TEX264: variants seen among roughly 807,000 people sequenced by gnomAD.
TEX264 encodes the protein testis expressed 264, ER-phagy receptor.
Under a neutral mutation model 23.4 loss-of-function variants are expected in TEX264, and 13 were observed. That is an observed-to-expected ratio of 0.56 (90% CI 0.36 to 0.88). The LOEUF is 0.88. Among genes scored for constraint, TEX264 ranks in the 40% least tolerant of loss-of-function variants. The pLI, the probability that TEX264 is intolerant of heterozygous loss-of-function variation, is 0.01. For synonymous variants in TEX264, 159 were observed against 170.0 expected (o/e 0.94, Z 0.50); for missense variants, 340 against 406.8 (o/e 0.84, Z 1.41).
At chr3:51,674,683 C>G in intron 2 of TEX264, 121 bp downstream of exon 2, 1 of 1,208,258 alleles carries the variant, frequency 8.3e-7, no homozygotes, top group Admixed American at 2.4e-5. Context: ...GCCCTGCAGA[C>G]CCCTCCTCTA....
intron 4 of TEX264, among the ~76,000 whole-genome samples, chr3:51,701,076 T>G (rs1433590725): frequency 6.6e-6 from 1 of 152,206 alleles, no homozygotes; most frequent in Non-Finnish European, 1.5e-5. Flanking sequence ...CATTGATGTA[T>G]TATTTAGCTT....
chr3:51,694,144 T>TTCC (rs1702966264), intron 3 of TEX264, among the ~76,000 whole-genome samples: 1 of 120,174 alleles, frequency 8.3e-6, no homozygotes, highest in Non-Finnish European at 1.9e-5. Context: ...TCCTTCCTTC[T>TTCC]TTCCTTCTTT....
At chr3:51,694,201 G>A (rs1239847971) in intron 3 of TEX264, among the ~76,000 whole-genome samples, 9 of 151,016 alleles carry the variant, frequency 6.0e-5, no homozygotes, top group Non-Finnish European at 1.3e-4. Flanking sequence ...GCGCGATCTC[G>A]GCTCACTGCA....
chr3:51,700,588 A>G (rs1703256276), intron 4 of TEX264, among the ~76,000 whole-genome samples: 2 of 152,032 alleles, frequency 1.3e-5, no homozygotes, highest in Admixed American at 6.5e-5. Flanking sequence ...ACATGGCACA[A>G]GGTCAGCAGG....
At position 51,691,462 on chromosome 3, in the gene TEX264, C is replaced by G. The variant is rs1329221156; in HGVS notation, c.480+6828C>G. 6.6e-6 allele frequency among the ~76,000 whole-genome samples: 1 copy of G among 152,212 alleles called. No homozygotes were observed. Among genetic ancestry groups the G allele is most frequent in the Non-Finnish European group, 1.5e-5 (1 of 68,042 alleles). The stretch of plus-strand genomic sequence containing the variant: ...CTCCAGCCACAGAGCCTAGCCATGC[C>G]TGGGTGTGGGGAGGGGAGGGATAGA... On this transcript the variant is annotated intron_variant, in intron 3 of 4. Coordinates refer to ENST00000341333, the MANE Select transcript of TEX264 (RefSeq NM_015926.6). This position sits in a 1 kb window ranked among gnomAD's most constrained non-coding sequence, Gnocchi z 4.4.
At position 51,688,194 on chromosome 3, in the gene TEX264, G is replaced by A. The variant is rs138414534; in HGVS notation, c.480+3560G>A. On this transcript the variant is annotated intron_variant, in intron 3 of 4. Coordinates refer to ENST00000341333, the MANE Select transcript of TEX264 (RefSeq NM_015926.6). ...CCACTCCCCAAGTCCCAGGAAAGGG[G>A]TATCTTCTGGAAGCTGCAGGATGGA... Among the ~76,000 whole-genome samples, 16 of 152,336 alleles carry A rather than the reference G, an allele frequency of 1.1e-4. 1 individual carries two copies. The East Asian group carries it at 2.9e-3, about 28-fold the overall frequency.
At chr3:51,676,515 T>C (rs761409285) in intron 2 of TEX264, among the ~76,000 whole-genome samples, 1 of 152,064 alleles carries the variant, frequency 6.6e-6, no homozygotes, top group Non-Finnish European at 1.5e-5. Flanking sequence ...CTGACTAGGG[T>C]GCTTGTCTGG....
intron 1 of TEX264, chr3:51,671,983 A>C (rs1413892131): frequency 6.6e-6 from 1 of 152,292 alleles, no homozygotes; most frequent in African/African-American, 2.4e-5. Flanking sequence ...GCCCAAGGTC[A>C]GCGGCAGCGG....
In TEX264 at chr3:51,674,504, G is replaced by C. The variant is rs751449965; in HGVS notation, c.200G>C (p.Ser67Thr). 1 of 1,614,208 alleles carries C rather than the reference G, an allele frequency of 6.2e-7. No individual in the cohort carries two copies. Among genetic ancestry groups the C allele is most frequent in the South Asian group, 1.1e-5 (1 of 91,090 alleles). Residue 67 changes from serine to threonine, a missense_variant, in exon 2 of 5, where the codon AGC becomes ACC. Ser to Thr is a moderately conservative substitution (Grantham distance 58). Coordinates refer to ENST00000341333, the MANE Select transcript of TEX264 (RefSeq NM_015926.6). The stretch of plus-strand genomic sequence containing the variant: ...GAGACTGGGCGGCTTTTCACTGAGA[G>C]CTGCAGCATCTCTCCCAAGCTCCGC... ...YGETGRLFTESCSISPKLRSI... is the reference protein window; with the variant it reads ...YGETGRLFTETCSISPKLRSI...
intron 3 of TEX264, among the ~76,000 whole-genome samples, chr3:51,689,426 T>A (rs1334109555): frequency 2.2e-5 from 3 of 137,904 alleles, no homozygotes; most frequent in African/African-American, 8.2e-5. Flanking sequence ...GTGAAACCCA[T>A]CTCAAAAAAA....
rs1358232856 is a variant in TEX264 at position 51,691,909 on chromosome 3, G to A, written c.480+7275G>A. On this transcript the variant is annotated intron_variant, in intron 3 of 4. Coordinates refer to ENST00000341333, the MANE Select transcript of TEX264 (RefSeq NM_015926.6). This position sits in a 1 kb window ranked among gnomAD's most constrained non-coding sequence, Gnocchi z 4.4. Reference sequence around the variant, plus strand: ...CGATCCTCCCACCATACCACGGCTTGGCTTCCCCGGCTCCCCTTAGGGAGC... The same window carrying A: ...CGATCCTCCCACCATACCACGGCTTAGCTTCCCCGGCTCCCCTTAGGGAGC... 6.6e-6 allele frequency among the ~76,000 whole-genome samples: 1 copy of A among 152,240 alleles called. No homozygotes were observed. Among genetic ancestry groups the A allele is most frequent in the East Asian group, 1.9e-4 (1 of 5,198 alleles).
chr3:51,684,677 C>A lies in TEX264; in HGVS notation c.480+43C>A, dbSNP rs751198670. 4 of 1,596,076 alleles carry A rather than the reference C, an allele frequency of 2.5e-6. No individual in the cohort carries two copies. The South Asian group carries it at 4.4e-5, about 18-fold the overall frequency. ...GGTGTGTGTGTTGGGGACAGCCAGGCCCCTTGGGTGGAGCTGAGGAGGACT... is the reference window on the plus strand; with the variant it reads ...GGTGTGTGTGTTGGGGACAGCCAGGACCCTTGGGTGGAGCTGAGGAGGACT... On this transcript the variant is annotated intron_variant, in intron 3 of 4. Coordinates refer to ENST00000341333, the MANE Select transcript of TEX264 (RefSeq NM_015926.6).
At chr3:51,672,568 T>TTTGGGCTC (rs1702086127) in intron 1 of TEX264, among the ~76,000 whole-genome samples, 1 of 152,212 alleles carries the variant, frequency 6.6e-6, no homozygotes, top group Non-Finnish European at 1.5e-5. Flanking sequence ...GTTTTCCAGC[T>TTTGGGCTC]TTGGGCTCAG....
chr3:51,676,451 TGTG>T (rs1004181231), intron 2 of TEX264, among the ~76,000 whole-genome samples: 1 of 152,092 alleles, frequency 6.6e-6, no homozygotes, highest in Non-Finnish European at 1.5e-5. Context: ...TTCCCAGAGA[TGTG>T]GTGGACCCCA....
intron 2 of TEX264, among the ~76,000 whole-genome samples, 191 bp downstream of exon 2, chr3:51,674,753 GCTTT>G (rs975989463): frequency 1.3e-5 from 2 of 152,220 alleles, no homozygotes; most frequent in African/African-American, 2.4e-5. Flanking sequence ...CCATTTGTGG[GCTTT>G]CTATTTGCCC....
Position 51,691,807 on chromosome 3 carries a change from A to G in TEX264, c.480+7173A>G, listed in dbSNP as rs1702838871. Among the ~76,000 whole-genome samples the G allele has an allele frequency of 6.6e-6, 1 of 152,242 alleles. No homozygotes were observed. Among genetic ancestry groups the G allele is most frequent in the Non-Finnish European group, 1.5e-5 (1 of 68,038 alleles). The stretch of plus-strand genomic sequence containing the variant: ...GAGGAAGAGCCAGAGGCCACAGTCA[A>G]ATTCTGCACAAAGATAATGCAAGTT... On this transcript the variant is annotated intron_variant, in intron 3 of 4. Transcript: ENST00000341333. The surrounding 1 kb of genome is among the most constrained non-coding windows in gnomAD (Gnocchi z 4.4).
chr3:51,686,690 G>A lies in TEX264; in HGVS notation c.480+2056G>A, dbSNP rs1702634474. Among the ~76,000 whole-genome samples, 1 of 152,058 alleles carries A rather than the reference G, an allele frequency of 6.6e-6. No individual in the cohort carries two copies. Among genetic ancestry groups the A allele is most frequent in the South Asian group, 2.1e-4 (1 of 4,822 alleles). ...GACTGGAGGTGGGGGCGGGCTGGCTGGTGGTGTGGGCAGGAAGGAAGATAC... is the reference window on the plus strand; with the variant it reads ...GACTGGAGGTGGGGGCGGGCTGGCTAGTGGTGTGGGCAGGAAGGAAGATAC... On this transcript the variant is annotated intron_variant, in intron 3 of 4. Coordinates refer to ENST00000341333, the MANE Select transcript of TEX264 (RefSeq NM_015926.6). The surrounding 1 kb of genome is among the most constrained non-coding windows in gnomAD (Gnocchi z 4.1).
chr3:51,704,202 G>A lies in TEX264; in HGVS notation c.*186G>A, dbSNP rs1367036897. 2.1e-6 allele frequency: 1 copy of A among 478,034 alleles called. No homozygotes were observed. The highest frequency in any genetic ancestry group is 2.0e-5 in the African/African-American group (1 of 50,222). 29.6% of individuals were successfully genotyped at this position (478,034 alleles called of 1,614,324 possible). ...CCTTTAGGCTCCCAGGGCCAGAGGA[G>A]CCAGGGACTATTTTCTGCACCAGCC... is the stretch of plus-strand genomic sequence containing the variant. On this transcript the variant is annotated 3_prime_UTR_variant, in exon 5 of 5. Transcript: ENST00000341333.
At chr3:51,671,312 G>A (rs1702031531) in intron 1 of TEX264, 24 bp downstream of exon 1, 1 of 152,218 alleles carries the variant, frequency 6.6e-6, no homozygotes, top group Non-Finnish European at 1.5e-5. Flanking sequence ...CAGAGGAGAG[G>A]CATACCCACT....
Sources: allele counts gnomAD v4.1 joint callset (sites outside exome capture counted in the v4.1 genomes callset), GRCh38; gene constraint gnomAD v4.1.1; non-coding constraint Gnocchi (gnomAD v3.1); transcripts MANE v1.5; gene names NCBI Gene and HGNC (gene_info 2026-07-23, HGNC 2026-07-21).